TEX15: variants seen among roughly 807,000 people sequenced by gnomAD.
The protein encoded by TEX15 is testis-expressed protein 15.
A neutral mutation model predicts 237.3 loss-of-function variants in TEX15; 171 were observed. The observed-to-expected ratio is 0.72, with a 90% CI of 0.64 to 0.82. The LOEUF (loss-of-function observed/expected upper bound fraction) is 0.82, where lower values mean the gene tolerates loss of function less well. Among genes scored for constraint, TEX15 ranks in the 40% least tolerant of loss-of-function variants. TEX15 has a pLI of 0.00. For missense variants in TEX15, 3,750 were observed against 3,646.5 expected, an observed-to-expected ratio of 1.03 and a Z score of -0.73; for synonymous variants, 1,338 against 1,269.8, an observed-to-expected ratio of 1.05 and a Z score of -1.14.
At position 30,848,496 on chromosome 8, in the gene TEX15, A is replaced by G. The variant is rs746340296; in HGVS notation, c.1671T>C (p.Ser557=). Residue 557 remains serine (S), a synonymous_variant, in exon 8 of 11, where the codon AGT becomes AGC. Coordinates refer to ENST00000643185, the MANE Select transcript of TEX15 (RefSeq NM_001350162.2). Reference sequence around the variant, plus strand: ...GTTGGGCTCTCTGAGCCTTCTCCTCACTGTGGTTTTGGTTCTCAACCTCTG... The same window carrying G: ...GTTGGGCTCTCTGAGCCTTCTCCTCGCTGTGGTTTTGGTTCTCAACCTCTG... ...VVSEVENQNH[S]EEKAQRAQQE... is the part of the protein sequence containing the mutation. 2.5e-6 allele frequency: 4 copies of G among 1,613,912 alleles called. No homozygotes were observed. Among genetic ancestry groups the G allele is most frequent in the Non-Finnish European group, 3.4e-6 (4 of 1,179,974 alleles).
At chr8:30,882,938 A>G (rs1000322869) in intron 3 of TEX15, among the ~76,000 whole-genome samples, 1 of 151,892 alleles carries the variant, frequency 6.6e-6, no homozygotes, top group Non-Finnish European at 1.5e-5. Context: ...TGGCTGGATA[A>G]TTCTTGTATT....
In TEX15 at chr8:30,848,689, C is replaced by G; in HGVS notation, c.1478G>C (p.Gly493Ala). Residue 493 changes from glycine (G) to alanine (A), a missense_variant, in exon 8 of 11, where the codon GGT becomes GCT. Coordinates refer to ENST00000643185, the MANE Select transcript of TEX15 (RefSeq NM_001350162.2). Reference sequence around the variant, plus strand: ...AGTTTTAAAGCAAGGGGTATCCAAACCATTAGTAAGAACAGCACAATCACC... The same window carrying G: ...AGTTTTAAAGCAAGGGGTATCCAAAGCATTAGTAAGAACAGCACAATCACC... The part of the protein sequence containing the change: ...VPGDCAVLTN[G>A]LDTPCFKTSV... 1 of 1,614,134 alleles carries G rather than the reference C, an allele frequency of 6.2e-7. No individual in the cohort carries two copies. Among genetic ancestry groups the G allele is most frequent in the Non-Finnish European group, 8.5e-7 (1 of 1,180,004 alleles).
In TEX15 at chr8:30,845,759, T is replaced by A. The variant is rs748565987; in HGVS notation, c.4408A>T (p.Thr1470Ser). ...APKADISKSLTHVSKHKSYKT... is the reference protein window; with the variant it reads ...APKADISKSLSHVSKHKSYKT... Reference sequence around the variant, plus strand: ...TAAGACTTGTGCTTTGACACATGGGTTAATGATTTAGAAATATCAGCTTTT... The same window carrying A: ...TAAGACTTGTGCTTTGACACATGGGATAATGATTTAGAAATATCAGCTTTT... The change falls in exon 8 of 11, where the codon ACC (threonine) becomes TCC (serine). Residue 1470 changes from threonine to serine, a missense_variant. Physicochemically the swap from Thr to Ser is moderately conservative, Grantham distance 58. Transcript: ENST00000643185. The A allele has an allele frequency of 6.2e-7, 1 of 1,613,400 alleles. No homozygotes were observed. The highest frequency in any genetic ancestry group is 8.5e-7 in the Non-Finnish European group (1 of 1,179,592).
intron 5 of TEX15, among the ~76,000 whole-genome samples, chr8:30,866,219 C>T (rs1419327723): frequency 6.6e-6 from 1 of 151,706 alleles, no homozygotes; most frequent in East Asian, 1.9e-4. Flanking sequence ...TGAGCTTGCA[C>T]CACTGAACTC....
intron 3 of TEX15, among the ~76,000 whole-genome samples, chr8:30,885,750 T>C (rs1359653139): frequency 6.6e-6 from 1 of 152,220 alleles, no homozygotes; most frequent in African/African-American, 2.4e-5. Flanking sequence ...GTTGCTGAGT[T>C]CAACTATGTC....
chr8:30,844,806 G>T lies in TEX15; in HGVS notation c.5361C>A (p.Val1787=), dbSNP rs746966459. The T allele has an allele frequency of 6.2e-7, 1 of 1,613,366 alleles. No homozygotes were observed. The highest frequency in any genetic ancestry group is 2.2e-5 in the East Asian group (1 of 44,864). The change falls in exon 8 of 11, where the codon GTC becomes GTA. Residue 1787 remains valine, a synonymous_variant. Transcript: ENST00000643185. Reference sequence around the variant, plus strand: ...CTACATCCAACTCATAATTCTCAGTGACATTTGTTTCATTCCCATCTGTAT... The same window carrying T: ...CTACATCCAACTCATAATTCTCAGTTACATTTGTTTCATTCCCATCTGTAT... ...CLHTDGNETN[V]TENYELDVAS... is the part of the protein sequence containing the mutation.
intron 4 of TEX15, among the ~76,000 whole-genome samples, chr8:30,873,420 G>C (rs1001258810): frequency 3.9e-5 from 6 of 152,078 alleles, no homozygotes; most frequent in East Asian, 1.9e-4. Context: ...ACGGGAAATG[G>C]TCAAGGCACT....
At chr8:30,882,878 C>T (rs973459705) in intron 3 of TEX15, among the ~76,000 whole-genome samples, 3 of 152,056 alleles carry the variant, frequency 2.0e-5, no homozygotes, top group African/African-American at 7.2e-5. Context: ...CTCAAGTGAT[C>T]CTCCCACCTC....
intron 7 of TEX15, among the ~76,000 whole-genome samples, chr8:30,850,354 T>C (rs1216916862): frequency 6.6e-6 from 1 of 152,190 alleles, no homozygotes; most frequent in Non-Finnish European, 1.5e-5. Context: ...AAATAATAAT[T>C]TCTCATAAAT....
At chr8:30,889,954 C>CATATATATATATATATATATACATAT in intron 2 of TEX15, among the ~76,000 whole-genome samples, 33 of 110,080 alleles carry the variant, frequency 3.0e-4, no homozygotes, top group East Asian at 1.5e-3. Flanking sequence ...TATATATATA[C>CATATATATATATATATATATACATAT]ATATATATAT....
chr8:30,851,128 T>C (rs1807775024), intron 7 of TEX15, among the ~76,000 whole-genome samples: 1 of 152,214 alleles, frequency 6.6e-6, no homozygotes, highest in African/African-American at 2.4e-5. Flanking sequence ...TTTACTACTC[T>C]GATAAACTTG....
At chr8:30,880,879 G>A (rs991231539) in intron 3 of TEX15, among the ~76,000 whole-genome samples, 9 of 152,026 alleles carry the variant, frequency 5.9e-5, no homozygotes, top group Admixed American at 5.2e-4. Context: ...TGTTTTCATC[G>A]TATCCAGTGA....
intron 3 of TEX15, among the ~76,000 whole-genome samples, chr8:30,879,164 A>G (rs915448374): frequency 1.3e-5 from 2 of 151,390 alleles, no homozygotes; most frequent in African/African-American, 4.9e-5. Flanking sequence ...AAAGTGCTTT[A>G]TATGTTCCAG....
chr8:30,895,297 C>CAAAAA (rs34514049), intron 2 of TEX15, among the ~76,000 whole-genome samples: 13 of 60,452 alleles, frequency 2.2e-4, no homozygotes, highest in East Asian at 7.1e-4. Context: ...GACTCCATCT[C>CAAAAA]AAAAAAAAAA....
At chr8:30,903,593 T>C (rs546473354) in intron 1 of TEX15, among the ~76,000 whole-genome samples, 1 of 152,298 alleles carries the variant, frequency 6.6e-6, no homozygotes, top group South Asian at 2.1e-4. Context: ...CACTCTACCA[T>C]AAAGTAAGCT....
At position 30,847,772 on chromosome 8, in the gene TEX15, T is replaced by C. The variant is rs1321876668; in HGVS notation, c.2395A>G (p.Ile799Val). The change falls in exon 8 of 11, where the codon ATA becomes GTA. Residue 799 changes from isoleucine to valine, a missense_variant. Physicochemically the swap from Ile to Val is conservative, Grantham distance 29 (BLOSUM62 3). Transcript: ENST00000643185. Reference sequence around the variant, plus strand: ...TGGACACATATATGTTCTCTAGTTATGCTGCAATTTGAACTGTCATGAGCT... The same window carrying C: ...TGGACACATATATGTTCTCTAGTTACGCTGCAATTTGAACTGTCATGAGCT... ...ETAHDSSNCS[I>V]TREHICVHRK... The C allele has an allele frequency of 1.2e-6, 2 of 1,613,758 alleles. No homozygotes were observed. Among genetic ancestry groups the C allele is most frequent in the Non-Finnish European group, 8.5e-7 (1 of 1,179,920 alleles).
chr8:30,842,552 G>C lies in TEX15; in HGVS notation c.7615C>G (p.His2539Asp). The change falls in exon 8 of 11, where the codon CAT (histidine) becomes GAT (aspartate). Residue 2539 changes from histidine to aspartate, a missense_variant. Coordinates refer to ENST00000643185, the MANE Select transcript of TEX15 (RefSeq NM_001350162.2). ...NEAVNCSYAI[H>D]LLSRELQELS... ...TCTTGAAGTTCTCTTGAGAGCAAAT[G>C]AATAGCATATGAGCAATTAACAGCT... 6.2e-7 allele frequency: 1 copy of C among 1,610,530 alleles called. No homozygotes were observed. The highest frequency in any genetic ancestry group is 1.3e-5 in the African/African-American group (1 of 74,872).
intron 1 of TEX15, among the ~76,000 whole-genome samples, chr8:30,912,581 GGA>G (rs1295673358): frequency 1.3e-5 from 2 of 152,218 alleles, no homozygotes; most frequent in Non-Finnish European, 2.9e-5. Flanking sequence ...GGGGGCAGAG[GGA>G]GAGCGAAAGC....
At chr8:30,893,790 G>A (rs567129705) in intron 2 of TEX15, among the ~76,000 whole-genome samples, 1 of 152,178 alleles carries the variant, frequency 6.6e-6, no homozygotes, top group South Asian at 2.1e-4. Context: ...TGATGTTCTA[G>A]GCTAAGTATT....
Sources: allele counts gnomAD v4.1 joint callset (sites outside exome capture counted in the v4.1 genomes callset), GRCh38; gene constraint gnomAD v4.1.1; transcripts MANE v1.5; gene names NCBI Gene and HGNC (gene_info 2026-07-23, HGNC 2026-07-21).